PCSK6: variants seen among roughly 807,000 people sequenced by gnomAD.
PCSK6 encodes proprotein convertase subtilisin/kexin type 6, also known as paired basic amino acid cleaving enzyme 4.
Under a neutral mutation model 123.3 loss-of-function variants are expected in PCSK6, and 85 were observed. The observed-to-expected ratio is 0.69, with a 90% CI of 0.58 to 0.83. PCSK6 has a LOEUF of 0.83. PCSK6 is among the 40% of genes least tolerant of loss of function. PCSK6 has a pLI of 0.00. For synonymous variants in PCSK6, 508 were observed against 516.0 expected, an observed-to-expected ratio of 0.98 and a Z score of 0.21; for missense variants, 1,191 against 1,282.3, an observed-to-expected ratio of 0.93 and a Z score of 1.09.
At chr15:101,347,421 TAAAGGGAAAA>T (rs2040763620) in intron 13 of PCSK6, 4 of 1,238,218 alleles carry the variant, frequency 3.2e-6, no homozygotes, top group Non-Finnish European at 4.0e-6. Context: ...TTAGGATGAA[TAAAGGGAAAA>T]CATGGTCACA....
At chr15:101,346,946 A>T in intron 13 of PCSK6, 1 of 1,231,670 alleles carries the variant, frequency 8.1e-7, no homozygotes, top group African/African-American at 1.5e-5. Context: ...TTTTGGGGAA[A>T]GGCGTCACTG....
intron 13 of PCSK6, among the ~76,000 whole-genome samples, chr15:101,334,693 A>G (rs2040438866): frequency 6.6e-6 from 1 of 152,206 alleles, no homozygotes; most frequent in Non-Finnish European, 1.5e-5. Context: ...GTTTATTTCA[A>G]TTATAGAGGA....
Position 101,489,392 on chromosome 15 carries a change from C to A in PCSK6, c.279G>T (p.Gly93=). ...CACTCACCTGGCCCAAGTTGAGGTA[C>A]CCGTGCGCCGCCGCCACGCGGTCCG... ...AEADRVAAAH[G]YLNLGQIGNL... The change falls in exon 1 of 22, where the codon GGG becomes GGT. Residue 93 remains glycine (G), a synonymous_variant. Transcript: ENST00000611716. 7.9e-7 allele frequency: 1 copy of A among 1,259,876 alleles called. No homozygotes were observed. The allele number at this position is 1,259,876 out of a possible 1,614,324, so 78.0% of individuals were successfully genotyped here. A position where few individuals can be genotyped will look rare whatever the true frequency, so the allele number is the denominator to read the frequency against.
At chr15:101,407,056 G>A (rs11858133) in intron 6 of PCSK6, among the ~76,000 whole-genome samples, 38,049 of 151,890 alleles carry the variant, frequency 0.25, 5,136 homozygotes, top group African/African-American at 0.35. Flanking sequence ...CTCAGCCAGC[G>A]ACCTCCAAGA....
rs2042496820 is a variant in PCSK6 at position 101,398,736 on chromosome 15, T to C, written c.824-160A>G. 6.6e-6 allele frequency among the ~76,000 whole-genome samples: 1 copy of C among 152,130 alleles called. No homozygotes were observed. Among genetic ancestry groups the C allele is most frequent in the Non-Finnish European group, 1.5e-5 (1 of 68,020 alleles). On this transcript the variant is annotated intron_variant, in intron 6 of 21. Transcript: ENST00000611716. This position sits in a 1 kb window ranked among gnomAD's most constrained non-coding sequence, Gnocchi z 4.6. ...CTGCAAAACTGGCTCCTCTTCTCCA[T>C]GCTGGCTGATGTGAAAGAACTCAGG...
intron 13 of PCSK6, among the ~76,000 whole-genome samples, chr15:101,363,479 A>G (rs901028657): frequency 1.3e-5 from 2 of 152,234 alleles, no homozygotes; most frequent in African/African-American, 4.8e-5. Flanking sequence ...TTGAGGATGC[A>G]GCTGGCATGA....
intron 1 of PCSK6, among the ~76,000 whole-genome samples, chr15:101,468,537 C>T (rs1481688850): frequency 6.6e-6 from 1 of 152,198 alleles, no homozygotes; most frequent in East Asian, 1.9e-4. Context: ...AAATCTGATG[C>T]TTCCAAATTT....
chr15:101,388,521 A>T (rs56135789), intron 9 of PCSK6, among the ~76,000 whole-genome samples: 128,712 of 152,018 alleles, frequency 0.85, 54,725 homozygotes, highest in Admixed American at 0.87. Context: ...AACTCAAGAG[A>T]TTTCTTGACT....
chr15:101,346,634 C>CA, intron 13 of PCSK6: 1 of 565,164 alleles, frequency 1.8e-6, no homozygotes, highest in Non-Finnish European at 2.6e-6. Flanking sequence ...ACCATGCAGG[C>CA]AACAGGAATG....
chr15:101,312,982 G>A (rs2039901465), intron 20 of PCSK6: 1 of 1,133,324 alleles, frequency 8.8e-7, no homozygotes, highest in African/African-American at 1.6e-5. Flanking sequence ...TCCAGCCTGG[G>A]CGACAGAGTG....
At chr15:101,317,933 A>G (rs929297430) in intron 19 of PCSK6, among the ~76,000 whole-genome samples, 1 of 152,180 alleles carries the variant, frequency 6.6e-6, no homozygotes, top group East Asian at 1.9e-4. Flanking sequence ...CCTGGGCTCG[A>G]GCTGTCCTCC....
chr15:101,346,857 T>G (rs2040744311), intron 13 of PCSK6: 1 of 1,231,598 alleles, frequency 8.1e-7, no homozygotes, highest in South Asian at 4.1e-5. Flanking sequence ...GATTCATAAA[T>G]GTGCACAGCA....
At chr15:101,438,153 A>G (rs953375596) in intron 2 of PCSK6, among the ~76,000 whole-genome samples, 1 of 152,188 alleles carries the variant, frequency 6.6e-6, no homozygotes, top group African/African-American at 2.4e-5. Context: ...AAGTCCCCGC[A>G]TCCTGTGGGA....
chr15:101,408,136 G>A (rs1054236705), intron 6 of PCSK6, among the ~76,000 whole-genome samples: 4 of 152,188 alleles, frequency 2.6e-5, no homozygotes, highest in Admixed American at 2.0e-4. Context: ...TGGAGCACCC[G>A]TACATCTGCA....
At chr15:101,451,261 C>T (rs187142776) in intron 1 of PCSK6, among the ~76,000 whole-genome samples, 25 of 152,032 alleles carry the variant, frequency 1.6e-4, no homozygotes, top group East Asian at 5.8e-4. Flanking sequence ...CCGAGAAGCA[C>T]GCCGAATCTA....
intron 13 of PCSK6, chr15:101,347,826 G>A (rs777446306): frequency 4.1e-5 from 61 of 1,499,218 alleles, no homozygotes; most frequent in Middle Eastern, 1.8e-4. Flanking sequence ...AGCTTTATTG[G>A]GAGGTGCAAT....
In PCSK6 at chr15:101,366,238, T is replaced by A. The variant is rs1486624350; in HGVS notation, c.1816A>T (p.Ile606Phe). 6.2e-7 allele frequency: 1 copy of A among 1,613,618 alleles called. No homozygotes were observed. Residue 606 changes from isoleucine (I) to phenylalanine (F), a missense_variant, in exon 13 of 22, where the codon ATC becomes TTC. Ile to Phe is a conservative substitution (Grantham distance 21, BLOSUM62 0). Transcript: ENST00000611716. ...EKAEGQWTLE[I>F]QDLPSQVRNP... ...CGGACCTGGGATGGCAGATCTTGGA[T>A]TTCCAAGGTCCACTGCCCTTCAGCC...
intron 6 of PCSK6, among the ~76,000 whole-genome samples, chr15:101,417,377 G>T (rs4965856): frequency 0.31 from 47,365 of 151,948 alleles, 7,967 homozygotes; most frequent in African/African-American, 0.45. Flanking sequence ...AAAACTGAAC[G>T]TGTATTAGGA....
intron 1 of PCSK6, among the ~76,000 whole-genome samples, chr15:101,443,915 C>T (rs140089908): frequency 5.3e-5 from 8 of 152,338 alleles, no homozygotes; most frequent in Non-Finnish European, 7.3e-5. Flanking sequence ...TCACATCTCA[C>T]GGTAAATTAA....
Sources: allele counts gnomAD v4.1 joint callset (sites outside exome capture counted in the v4.1 genomes callset), GRCh38; gene constraint gnomAD v4.1.1; non-coding constraint Gnocchi (gnomAD v3.1); transcripts MANE v1.5; gene names NCBI Gene and HGNC (gene_info 2026-07-23, HGNC 2026-07-21).